The following CAMK1D variants were observed in gnomAD, a reference collection of about 807,000 sequenced individuals.
CAMK1D encodes calcium/calmodulin-dependent protein kinase type 1D.
CAMK1D carries 9 observed loss-of-function variants against 47.7 expected under a neutral mutation model. The ratio of observed to expected loss-of-function variants is 0.19; its 90% CI spans 0.11 to 0.33. CAMK1D has a LOEUF of 0.33. Among genes scored for constraint, CAMK1D ranks in the 10% least tolerant of loss-of-function variants. The probability of loss-of-function intolerance (pLI) is 1.00; values close to 1 mark genes in which losing one functional copy is unlikely to be tolerated. For missense variants in CAMK1D, 291 were observed against 488.7 expected (o/e 0.60, Z 3.81); for synonymous variants, 184 against 184.9 (o/e 0.99, Z 0.04).
chr10:12,804,771 C>CAAAAAA (rs569089576), intron 6 of CAMK1D, among the ~76,000 whole-genome samples: 1 of 126,270 alleles, frequency 7.9e-6, no homozygotes, highest in Non-Finnish European at 1.7e-5. Flanking sequence ...CTGTCTGTAC[C>CAAAAAA]AAAAAAAAAA....
At chr10:12,809,767 T>TAC (rs1473125162) in intron 6 of CAMK1D, among the ~76,000 whole-genome samples, 1 of 152,190 alleles carries the variant, frequency 6.6e-6, no homozygotes, top group Non-Finnish European at 1.5e-5. Context: ...TCACTGGGTA[T>TAC]ACAGTTTCAG....
intron 1 of CAMK1D, among the ~76,000 whole-genome samples, chr10:12,408,851 T>C (rs527763575): frequency 1.7e-3 from 167 of 100,706 alleles, no homozygotes; most frequent in African/African-American, 5.3e-3. Flanking sequence ...TTTCTTTCTT[T>C]TTTTTTTTTT....
intron 1 of CAMK1D, among the ~76,000 whole-genome samples, chr10:12,355,483 CGT>C (rs1564290019): frequency 6.7e-6 from 1 of 150,138 alleles, no homozygotes; most frequent in African/African-American, 2.5e-5. Context: ...TGTGCGCGCG[CGT>C]GCGTGTGTAT....
At chr10:12,453,622 G>A (rs191571529) in intron 1 of CAMK1D, among the ~76,000 whole-genome samples, 297 of 152,326 alleles carry the variant, frequency 1.9e-3, no homozygotes, top group Non-Finnish European at 3.0e-3. Context: ...AGGAATATTG[G>A]TGTATGACTA....
intron 3 of CAMK1D, among the ~76,000 whole-genome samples, chr10:12,732,526 G>A (rs961895506): frequency 3.3e-5 from 5 of 152,094 alleles, no homozygotes; most frequent in African/African-American, 1.2e-4. Flanking sequence ...GAGGCGAAAG[G>A]CACTTCTTAC....
At chr10:12,529,144 C>T (rs542660993) in intron 1 of CAMK1D, among the ~76,000 whole-genome samples, 1 of 152,286 alleles carries the variant, frequency 6.6e-6, no homozygotes, top group South Asian at 2.1e-4. Flanking sequence ...GCTCTCTCAT[C>T]TTCACCCTCA....
At chr10:12,630,222 C>T (rs1394554167) in intron 2 of CAMK1D, among the ~76,000 whole-genome samples, 2 of 152,152 alleles carry the variant, frequency 1.3e-5, no homozygotes, top group Non-Finnish European at 2.9e-5. Context: ...GTCTTCTTCC[C>T]AGCATCTTCT....
At chr10:12,350,340 C>T (rs535044314) in intron 1 of CAMK1D, among the ~76,000 whole-genome samples, 87 of 152,386 alleles carry the variant, frequency 5.7e-4, no homozygotes, top group Non-Finnish European at 9.0e-4. Flanking sequence ...CAGTCGTTCC[C>T]ATTTCTGTCC....
chr10:12,428,663 C>T (rs1840335579), intron 1 of CAMK1D, among the ~76,000 whole-genome samples: 1 of 152,236 alleles, frequency 6.6e-6, no homozygotes, highest in Admixed American at 6.5e-5. Flanking sequence ...TGCTGGCTCC[C>T]ACTGCCCTTA....
At chr10:12,427,605 T>G (rs1441411142) in intron 1 of CAMK1D, among the ~76,000 whole-genome samples, 1 of 151,926 alleles carries the variant, frequency 6.6e-6, no homozygotes, top group African/African-American at 2.4e-5. Context: ...ATCTTGGAAC[T>G]TGGAACTTGG....
At position 12,351,011 on chromosome 10, in the gene CAMK1D, G is replaced by A. The variant is rs113771577; in HGVS notation, c.92+1101G>A. On this transcript the variant is annotated intron_variant, in intron 1 of 10. Transcript: ENST00000619168. ...TTTCCTTCCTCCTTTTTTTCCGTGT[G>A]CTTGTTTTTGTGCTTGGTTTCTTTT... Among the ~76,000 whole-genome samples, 481 of 152,186 alleles carry A rather than the reference G, an allele frequency of 3.2e-3. 5 individuals carry two copies. The highest frequency in any genetic ancestry group is 0.011 in the African/African-American group (459 of 41,528).
intron 1 of CAMK1D, among the ~76,000 whole-genome samples, chr10:12,517,287 G>A (rs1005051827): frequency 6.6e-6 from 1 of 152,130 alleles, no homozygotes; most frequent in African/African-American, 2.4e-5. Context: ...AGTTCTTTGA[G>A]ATTTTTAAAA....
At chr10:12,636,106 T>C (rs1839506097) in intron 2 of CAMK1D, among the ~76,000 whole-genome samples, 1 of 152,252 alleles carries the variant, frequency 6.6e-6, no homozygotes, top group African/African-American at 2.4e-5. Context: ...TCAGTGGCAT[T>C]AAGTACATTT....
chr10:12,532,115 T>C (rs898787418), intron 1 of CAMK1D, among the ~76,000 whole-genome samples: 4 of 152,226 alleles, frequency 2.6e-5, no homozygotes, highest in Non-Finnish European at 4.4e-5. Context: ...AAATCATTCC[T>C]ATAACAGAAA....
At chr10:12,554,430 C>T (rs1247874193) in intron 2 of CAMK1D, among the ~76,000 whole-genome samples, 1 of 131,094 alleles carries the variant, frequency 7.6e-6, no homozygotes, top group Non-Finnish European at 1.8e-5. Context: ...GCTGAGTTTA[C>T]AGGCATGAGC....
chr10:12,695,629 T>C (rs1225143327), intron 3 of CAMK1D, among the ~76,000 whole-genome samples: 1 of 152,180 alleles, frequency 6.6e-6, no homozygotes, highest in Non-Finnish European at 1.5e-5. Flanking sequence ...CGTGAAAAAG[T>C]GCCCACAGAT....
chr10:12,703,585 T>G (rs1317004947), intron 3 of CAMK1D, among the ~76,000 whole-genome samples: 1 of 152,004 alleles, frequency 6.6e-6, no homozygotes, highest in Non-Finnish European at 1.5e-5. Context: ...CAAATTTGAG[T>G]GGGCCGGGCG....
intron 3 of CAMK1D, among the ~76,000 whole-genome samples, chr10:12,737,524 C>T (rs1193011402): frequency 2.6e-5 from 4 of 152,224 alleles, no homozygotes; most frequent in South Asian, 4.2e-4. Context: ...GTCTGCTGTC[C>T]TCTCAACTTG....
intron 1 of CAMK1D, among the ~76,000 whole-genome samples, chr10:12,415,313 A>G (rs1839804683): frequency 6.6e-6 from 1 of 151,746 alleles, no homozygotes; most frequent in Non-Finnish European, 1.5e-5. Flanking sequence ...TTTGAGACAG[A>G]GTCTCGCCGT....
Sources: allele counts gnomAD v4.1 joint callset (sites outside exome capture counted in the v4.1 genomes callset), GRCh38; gene constraint gnomAD v4.1.1; transcripts MANE v1.5; gene names NCBI Gene and HGNC (gene_info 2026-07-23, HGNC 2026-07-21).